H6PD: variants seen among roughly 807,000 people sequenced by gnomAD.
H6PD encodes GDH/6PGL endoplasmic bifunctional protein.
A neutral mutation model predicts 61.2 loss-of-function variants in H6PD; 48 were observed. The ratio of observed to expected loss-of-function variants is 0.78; its 90% CI spans 0.62 to 1.00. H6PD has a LOEUF of 1.00. Among genes scored for constraint, H6PD ranks in the 50% least tolerant of loss-of-function variants. The pLI is 0.00. For missense variants in H6PD, 1,093 were observed against 1,065.0 expected (o/e 1.03, Z -0.37); for synonymous variants, 480 against 457.9 (o/e 1.05, Z -0.62).
chr1:9,237,236 CT>C (rs370751354), intron 1 of H6PD, among the ~76,000 whole-genome samples: 278 of 71,046 alleles, frequency 3.9e-3, no homozygotes, highest in Non-Finnish European at 4.8e-3. Flanking sequence ...TTTGACTTCT[CT>C]TTTTTTTTTT....
At position 9,259,030 on chromosome 1, in the gene H6PD, C is replaced by T. The variant is rs140485895; in HGVS notation, c.746-3029C>T. On this transcript the variant is annotated intron_variant, in intron 3 of 4. Transcript: ENST00000377403. ...TTTTTGAGGCAGAGTCTCGCTCTGT[C>T]GCCCAGGCTGGAGTGTAGTGGTGCG... 2.6e-3 allele frequency among the ~76,000 whole-genome samples: 395 copies of T among 152,190 alleles called. 1 individual carries two copies. Among genetic ancestry groups the T allele is most frequent in the African/African-American group, 9.1e-3 (377 of 41,526 alleles).
chr1:9,242,698 T>C, intron 1 of H6PD: 2 of 985,470 alleles, frequency 2.0e-6, no homozygotes, highest in Non-Finnish European at 2.4e-6. Flanking sequence ...GCCAGGACTC[T>C]GGAGGCTTAG....
chr1:9,242,604 C>T, intron 1 of H6PD: 1 of 985,484 alleles, frequency 1.0e-6, no homozygotes, highest in Non-Finnish European at 1.2e-6. Flanking sequence ...CAGTTCAGGC[C>T]AGGTGGCCAT....
intron 3 of H6PD, 60 bp from the exon 4 acceptor site, chr1:9,261,999 G>T: frequency 6.4e-7 from 1 of 1,561,414 alleles, no homozygotes; most frequent in Non-Finnish European, 8.8e-7. Flanking sequence ...GCACCTCGGG[G>T]AGATCTGATG....
At position 9,265,017 on chromosome 1, in the gene H6PD, C is replaced by G; in HGVS notation, c.*148C>G. 1 of 830,258 alleles carries G rather than the reference C, an allele frequency of 1.2e-6. No individual in the cohort carries two copies. Among genetic ancestry groups the G allele is most frequent in the South Asian group, 1.4e-5 (1 of 69,266 alleles). The allele number at this position is 830,258 out of a possible 1,614,324, so 51.4% of individuals were successfully genotyped here. A position where few individuals can be genotyped will look rare whatever the true frequency, so the allele number is the denominator to read the frequency against. On this transcript the variant is annotated 3_prime_UTR_variant, in exon 5 of 5. Transcript: ENST00000377403. Reference sequence around the variant, plus strand: ...CAGGCCCCAGAGAGGGCAGGACAAGCCTTGTCCCGATGCCTTTGACCGGCA... The same window carrying G: ...CAGGCCCCAGAGAGGGCAGGACAAGGCTTGTCCCGATGCCTTTGACCGGCA...
chr1:9,256,165 A>G (rs1641509601), intron 3 of H6PD, among the ~76,000 whole-genome samples: 1 of 152,180 alleles, frequency 6.6e-6, no homozygotes, highest in South Asian at 2.1e-4. Context: ...ATCCACAAAC[A>G]TTGCTGGCAT....
intron 3 of H6PD, among the ~76,000 whole-genome samples, chr1:9,258,136 C>T (rs537319498): frequency 3.7e-4 from 56 of 152,370 alleles, no homozygotes; most frequent in African/African-American, 1.3e-3. Flanking sequence ...CGGGCCGGGG[C>T]TGCTGTCAGC....
intron 1 of H6PD, chr1:9,240,116 C>A: frequency 1.5e-6 from 1 of 660,400 alleles, no homozygotes; most frequent in Non-Finnish European, 2.1e-6. Context: ...TGCAGTCCGC[C>A]CTGGCTCTAA....
In H6PD at chr1:9,267,354, T is replaced by G. The variant is rs11121354; in HGVS notation, c.*2485T>G. On this transcript the variant is annotated 3_prime_UTR_variant, in exon 5 of 5. Coordinates refer to ENST00000377403, the MANE Select transcript of H6PD (RefSeq NM_004285.4). ...ATCCCCGCAGCCCCTGTGCCGGATT[T>G]CATTTCCCTCCTCTCTCCCAGGGTA... 0.21 allele frequency: 31,387 copies of G among 152,238 alleles called. 3,366 individuals are homozygous for G. Among genetic ancestry groups the G allele is most frequent in the Admixed American group, 0.26 (3,968 of 15,290 alleles). 9.4% of individuals were successfully genotyped at this position (152,238 alleles called of 1,614,324 possible). A position where few individuals can be genotyped will look rare whatever the true frequency, so the allele number is the denominator to read the frequency against.
chr1:9,247,031 G>C lies in H6PD; in HGVS notation c.693G>C (p.Arg231=), dbSNP rs1641200049. Residue 231 remains arginine, a synonymous_variant, in exon 3 of 5, where the codon CGG becomes CGC. Transcript: ENST00000377403. ...NRKALDGLWN[R]HHVERVEIIM... Reference sequence around the variant, plus strand: ...AGGCTTTGGACGGCCTCTGGAACCGGCACCATGTGGAGCGGGTGGAGATCA... The same window carrying C: ...AGGCTTTGGACGGCCTCTGGAACCGCCACCATGTGGAGCGGGTGGAGATCA... 2 of 1,614,060 alleles carry C rather than the reference G, an allele frequency of 1.2e-6. No homozygotes were observed. The highest frequency in any genetic ancestry group is 1.7e-6 in the Non-Finnish European group (2 of 1,179,942).
In H6PD at chr1:9,254,350, C is replaced by T. The variant is rs1009045642; in HGVS notation, c.745+7267C>T. On this transcript the variant is annotated intron_variant, in intron 3 of 4. Coordinates refer to ENST00000377403, the MANE Select transcript of H6PD (RefSeq NM_004285.4). This position sits in a 1 kb window ranked among gnomAD's most constrained non-coding sequence, Gnocchi z 4.6. ...AGCCTGGGTAATGGGGAGACTCCATCTCCAATAAAATAAAACAAAATAAGA... is the reference window on the plus strand; with the variant it reads ...AGCCTGGGTAATGGGGAGACTCCATTTCCAATAAAATAAAACAAAATAAGA... 6.6e-6 allele frequency among the ~76,000 whole-genome samples: 1 copy of T among 152,034 alleles called. No homozygotes were observed. Among genetic ancestry groups the T allele is most frequent in the African/African-American group, 2.4e-5 (1 of 41,364 alleles).
rs913469148 is a variant in H6PD at position 9,245,896 on chromosome 1, G to C, written c.627+335G>C. ...CTCTGGTGTCTGGATCTGGCTTCCT[G>C]TTGGGTGTGCTGTGGGAATCAGAAT... On this transcript the variant is annotated intron_variant, in intron 2 of 4. Coordinates refer to ENST00000377403, the MANE Select transcript of H6PD (RefSeq NM_004285.4). This position sits in a 1 kb window ranked among gnomAD's most constrained non-coding sequence, Gnocchi z 4.8. Among the ~76,000 whole-genome samples, 1 of 151,890 alleles carries C rather than the reference G, an allele frequency of 6.6e-6. No homozygotes were observed. Among genetic ancestry groups the C allele is most frequent in the African/African-American group, 2.4e-5 (1 of 41,344 alleles).
At position 9,244,729 on chromosome 1, in the gene H6PD, A is replaced by C. The variant is rs1041225200; in HGVS notation, c.-10-196A>C. Among the ~76,000 whole-genome samples the C allele has an allele frequency of 3.9e-5, 6 of 152,338 alleles. No individual in the cohort carries two copies. The East Asian group carries it at 1.2e-3, about 29-fold the overall frequency. ...CAGGCAGAGTCCCTGTCTACAGGGC[A>C]GGCTCCCTACCCACTGACTTCCTGG... is the stretch of plus-strand genomic sequence containing the variant. On this transcript the variant is annotated intron_variant, in intron 1 of 4. Coordinates refer to ENST00000377403, the MANE Select transcript of H6PD (RefSeq NM_004285.4).
At position 9,265,324 on chromosome 1, in the gene H6PD, C is replaced by T. The variant is rs1638519883; in HGVS notation, c.*455C>T. The T allele has an allele frequency of 1.8e-5, 6 of 330,404 alleles. No homozygotes were observed. Among genetic ancestry groups the T allele is most frequent in the South Asian group, 1.5e-4 (6 of 39,670 alleles). The allele number at this position is 330,404 out of a possible 1,614,324, so 20.5% of individuals were successfully genotyped here. On this transcript the variant is annotated 3_prime_UTR_variant, in exon 5 of 5. Coordinates refer to ENST00000377403, the MANE Select transcript of H6PD (RefSeq NM_004285.4). ...AGCATGATTGGTAGACAGAAGGGTG[C>T]AGAGGCGCCCAGGGGAGTACATTGC...
chr1:9,246,479 C>T (rs1570092151), intron 2 of H6PD, among the ~76,000 whole-genome samples: 2 of 152,152 alleles, frequency 1.3e-5, no homozygotes, highest in South Asian at 2.1e-4. Flanking sequence ...TGTTCTGGTA[C>T]GTGGTGCGGG....
At chr1:9,237,952 C>A (rs1186109527) in intron 1 of H6PD, among the ~76,000 whole-genome samples, 1 of 152,112 alleles carries the variant, frequency 6.6e-6, no homozygotes, top group African/African-American at 2.4e-5. Flanking sequence ...TCCTCATTGG[C>A]ACGCACACTC....
rs755730854 is a variant in H6PD, at chr1:9,264,432, C to T, written c.1939C>T (p.Pro647Ser). The T allele has an allele frequency of 6.2e-7, 1 of 1,613,180 alleles. No homozygotes were observed. The highest frequency in any genetic ancestry group is 8.5e-7 in the Non-Finnish European group (1 of 1,179,932). The change falls in exon 5 of 5, where the codon CCC becomes TCC. Residue 647 changes from proline to serine, a missense_variant. Physicochemically the swap from Pro to Ser is moderately conservative, Grantham distance 74 (BLOSUM62 -1). Coordinates refer to ENST00000377403, the MANE Select transcript of H6PD (RefSeq NM_004285.4). ...CCACCTGCTGCAGCACGTCCGGATC[C>T]CCTACTACAACATCCACCCCATGCC... ...QAHLLQHVRIPYYNIHPMPVH... is the reference protein window; with the variant it reads ...QAHLLQHVRISYYNIHPMPVH...
chr1:9,259,733 T>C (rs1641655269), intron 3 of H6PD, among the ~76,000 whole-genome samples: 1 of 152,154 alleles, frequency 6.6e-6, no homozygotes, highest in African/African-American at 2.4e-5. Context: ...ATATTGTTGT[T>C]ACACCGGTGT....
intron 3 of H6PD, among the ~76,000 whole-genome samples, chr1:9,256,885 A>G (rs745917752): frequency 2.9e-4 from 44 of 151,966 alleles, no homozygotes; most frequent in Middle Eastern, 3.2e-3. Flanking sequence ...TTCTGTTTCC[A>G]TGCACGCCTG....
Sources: allele counts gnomAD v4.1 joint callset (sites outside exome capture counted in the v4.1 genomes callset), GRCh38; gene constraint gnomAD v4.1.1; non-coding constraint Gnocchi (gnomAD v3.1); transcripts MANE v1.5; gene names NCBI Gene and HGNC (gene_info 2026-07-23, HGNC 2026-07-21).